The following RBKS variants were observed in gnomAD, a reference collection of about 807,000 sequenced individuals.
RBKS encodes ribokinase.
A neutral mutation model predicts 33.9 loss-of-function variants in RBKS; 33 were observed. The ratio of observed to expected loss-of-function variants is 0.97; its 90% CI spans 0.74 to 1.30. RBKS has a LOEUF of 1.30. Among genes scored for constraint, RBKS ranks in the 50% most tolerant of loss-of-function variants. The probability of loss-of-function intolerance (pLI) is 0.00; values close to 1 mark genes in which losing one functional copy is unlikely to be tolerated. For missense variants in RBKS, 361 were observed against 392.6 expected, an observed-to-expected ratio of 0.92 and a Z score of 0.68; for synonymous variants, 125 against 143.0, an observed-to-expected ratio of 0.87 and a Z score of 0.90.
In RBKS at chr2:27,827,602, T is replaced by G. The variant is rs775504805; in HGVS notation, c.760A>C (p.Ile254Leu). Residue 254 changes from isoleucine (I) to leucine (L), a missense_variant, in exon 7 of 8, where the codon ATT becomes CTT. By Grantham distance (5) the Ile-to-Leu change is conservative. Coordinates refer to ENST00000302188, the MANE Select transcript of RBKS (RefSeq NM_022128.3). ...LSQTEPEPKH[I>L]PTEKVKAVDT... is the part of the protein sequence containing the mutation. ...ACAGCCTTGACTTTCTCTGTGGGAA[T>G]GTGCTTTGGCTCAGGTTCTGTCTGT... 6.2e-7 allele frequency: 1 copy of G among 1,604,646 alleles called. No homozygotes were observed.
At chr2:27,784,909 A>C (rs1000552333) in intron 7 of RBKS, among the ~76,000 whole-genome samples, 3 of 152,192 alleles carry the variant, frequency 2.0e-5, no homozygotes, top group African/African-American at 7.2e-5. Context: ...TCCCACTCTC[A>C]GTTTGCAGCA....
intron 5 of RBKS, among the ~76,000 whole-genome samples, chr2:27,833,197 G>A (rs1558544765): frequency 6.6e-6 from 1 of 152,066 alleles, no homozygotes; most frequent in Non-Finnish European, 1.5e-5. Context: ...ATTTTCCAGG[G>A]AAGAAAAAGA....
In RBKS at chr2:27,848,098, C is replaced by T. The variant is rs773127215; in HGVS notation, c.223-1G>A. The T allele has an allele frequency of 1.4e-6, 2 of 1,471,958 alleles. No individual in the cohort carries two copies. The highest frequency in any genetic ancestry group is 2.3e-5 in the East Asian group (1 of 43,802). The allele number at this position is 1,471,958 out of a possible 1,614,324, so 91.2% of individuals were successfully genotyped here. On this transcript the variant is annotated splice_acceptor_variant, in intron 2 of 7. Transcript: ENST00000302188. LOFTEE classifies it high-confidence loss of function. Reference sequence around the variant, plus strand: ...CATTGCCAAAAGAATCTTTGCCAACCTGTACCAAAGAAATAATGAATATTA... The same window carrying T: ...CATTGCCAAAAGAATCTTTGCCAACTTGTACCAAAGAAATAATGAATATTA...
At chr2:27,800,530 A>C (rs957945567) in intron 7 of RBKS, among the ~76,000 whole-genome samples, 4 of 152,198 alleles carry the variant, frequency 2.6e-5, no homozygotes, top group African/African-American at 9.6e-5. Context: ...AGTGCTTGGC[A>C]CAGAGCAGGT....
Sources: gnomAD v4.1 joint callset for allele counts (sites outside exome capture counted in the v4.1 genomes callset) on GRCh38, gnomAD v4.1.1 for gene constraint, MANE v1.5 for transcripts, NCBI Gene and HGNC (gene_info 2026-07-23, HGNC 2026-07-21) for gene names.